The following ERCC6 variants were observed in gnomAD, a reference collection of about 807,000 sequenced individuals.
ERCC6 encodes the protein DNA excision repair protein ERCC-6.
A neutral mutation model predicts 158.7 loss-of-function variants in ERCC6; 116 were observed. The ratio of observed to expected loss-of-function variants is 0.73; its 90% CI spans 0.63 to 0.85. The LOEUF is 0.85. ERCC6 is among the 40% of genes least tolerant of loss of function. The pLI is 0.00. For missense variants in ERCC6, 1,698 were observed against 1,799.4 expected, an observed-to-expected ratio of 0.94 and a Z score of 1.02; for synonymous variants, 678 against 659.3, an observed-to-expected ratio of 1.03 and a Z score of -0.43.
At chr10:49,472,653 T>C in intron 15 of ERCC6, 183 bp from the exon 16 acceptor site, 1 of 743,768 alleles carries the variant, frequency 1.3e-6, no homozygotes, top group Non-Finnish European at 2.2e-6. Flanking sequence ...ACATCTCTAC[T>C]TGAAAAAATG....
rs535929212 is a variant in ERCC6 at position 49,482,837 on chromosome 10, C to T, written c.2019G>A (p.Leu673=). 1.2e-6 allele frequency: 2 copies of T among 1,614,008 alleles called. No homozygotes were observed. Among genetic ancestry groups the T allele is most frequent in the African/African-American group, 1.3e-5 (1 of 74,992 alleles). The change falls in exon 10 of 21, where the codon CTG becomes CTA. Residue 673 remains leucine (L), a synonymous_variant. Coordinates refer to ENST00000355832, the MANE Select transcript of ERCC6 (RefSeq NM_000124.4). ...GGTTATTTTGCATCGGTGAGCCAGA[C>T]AGAATGATCCGATGAGGGGTGCGAA... ...KQFRTPHRII[L]SGSPMQNNLR... is the part of the protein sequence containing the mutation.
At chr10:49,512,612 C>T (rs1196833463) in intron 5 of ERCC6, among the ~76,000 whole-genome samples, 1 of 152,174 alleles carries the variant, frequency 6.6e-6, no homozygotes, top group African/African-American at 2.4e-5. Flanking sequence ...GCCTATGATA[C>T]GTTGAACAGC....
chr10:49,492,869 T>A (rs1851199430), intron 8 of ERCC6, among the ~76,000 whole-genome samples: 1 of 152,180 alleles, frequency 6.6e-6, no homozygotes, highest in Non-Finnish European at 1.5e-5. Context: ...CTGAGATGAT[T>A]CGTATTTTAC....
chr10:49,505,953 G>T lies in ERCC6; in HGVS notation c.1457C>A (p.Ser486Tyr). 2 of 1,613,506 alleles carry T rather than the reference G, an allele frequency of 1.2e-6. No individual in the cohort carries two copies. The highest frequency in any genetic ancestry group is 1.7e-6 in the Non-Finnish European group (2 of 1,179,620). ...KEKRLKLEDD[S>Y]EESDAEFDEG... is the part of the protein sequence containing the mutation. ...GTCAAATTCAGCATCACTTTCCTCA[G>T]AATCGTCCTCCAGCTTCAGACGTTT... Residue 486 changes from serine to tyrosine, a missense_variant, in exon 6 of 21, where the codon TCT becomes TAT. Physicochemically the swap from Ser to Tyr is moderately radical, Grantham distance 144. Transcript: ENST00000355832.
intron 7 of ERCC6, among the ~76,000 whole-genome samples, chr10:49,496,624 A>G (rs1189926086): frequency 1.3e-5 from 2 of 152,156 alleles, no homozygotes; most frequent in African/African-American, 2.4e-5. Context: ...CCTGGCCAAC[A>G]TGGTGAAACC....
rs1400717525 is a variant in ERCC6, at chr10:49,456,456, A to C, written c.*2359T>G. On this transcript the variant is annotated 3_prime_UTR_variant, in exon 21 of 21. Transcript: ENST00000355832. ...GCCAGACGTCCAGGTAAAACTCAAAAATTTTATTAGTAAAGGAAGAATGGG... is the reference window on the plus strand; with the variant it reads ...GCCAGACGTCCAGGTAAAACTCAAACATTTTATTAGTAAAGGAAGAATGGG... 6.6e-6 allele frequency: 1 copy of C among 152,218 alleles called. No individual in the cohort carries two copies. The highest frequency in any genetic ancestry group is 2.4e-5 in the African/African-American group (1 of 41,440). 9.4% of individuals were successfully genotyped at this position (152,218 alleles called of 1,614,324 possible). A position where few individuals can be genotyped will look rare whatever the true frequency, so the allele number is the denominator to read the frequency against.
chr10:49,462,123 T>C lies in ERCC6; in HGVS notation c.3779-567A>G, dbSNP rs144019422. Among the ~76,000 whole-genome samples, 261 of 152,262 alleles carry C rather than the reference T, an allele frequency of 1.7e-3. 6 individuals are homozygous for C. The highest frequency in any genetic ancestry group is 0.013 in the Admixed American group (196 of 15,276). ...ACTGAAAAGGCAAAGTAACACCCTA[T>C]TGGACAATAAAACACGCTCCAATTA... On this transcript the variant is annotated intron_variant, in intron 18 of 20. Transcript: ENST00000355832.
At chr10:49,468,542 G>A (rs1005616510) in intron 18 of ERCC6, among the ~76,000 whole-genome samples, 3 of 152,174 alleles carry the variant, frequency 2.0e-5, no homozygotes, top group African/African-American at 7.2e-5. Context: ...ATCTGCCTTT[G>A]CTGGAAGCCA....
chr10:49,530,945 T>C, intron 2 of ERCC6, 105 bp from the exon 3 acceptor site: 1 of 1,477,398 alleles, frequency 6.8e-7, no homozygotes, highest in Non-Finnish European at 9.1e-7. Context: ...TCTTATTAAC[T>C]AAAAGATAAA....
At chr10:49,518,404 T>C (rs961118225) in intron 5 of ERCC6, among the ~76,000 whole-genome samples, 3 of 152,252 alleles carry the variant, frequency 2.0e-5, no homozygotes, top group African/African-American at 7.2e-5. Flanking sequence ...ACTGCTGCCT[T>C]GAGCAAATGA....
downstream of ERCC6, among the ~76,000 whole-genome samples, chr10:49,449,974 G>A (rs1433861776): frequency 6.6e-6 from 1 of 152,118 alleles, no homozygotes; most frequent in Non-Finnish European, 1.5e-5. Context: ...CTGGGCTCAA[G>A]TGATCCTCTC....
chr10:49,496,632 A>C (rs1032958279), intron 7 of ERCC6, among the ~76,000 whole-genome samples: 1 of 152,084 alleles, frequency 6.6e-6, no homozygotes, highest in African/African-American at 2.4e-5. Context: ...ACATGGTGAA[A>C]CCCCGTCTCT....
chr10:49,487,053 A>T (rs1170522937), intron 8 of ERCC6, among the ~76,000 whole-genome samples: 1 of 152,236 alleles, frequency 6.6e-6, no homozygotes, highest in Non-Finnish European at 1.5e-5. Flanking sequence ...ATCATCTAAT[A>T]CAAATTTTAT....
Position 49,482,711 on chromosome 10 carries a change from T to A in ERCC6, c.2145A>T (p.Gly715=). Residue 715 remains glycine (G), a synonymous_variant, in exon 10 of 21, where the codon GGA becomes GGT. Transcript: ENST00000355832. ...CCTGTACTGGGGAAGCATTTGAATA[T>A]CCCCCCATGGTGATGGGGACGGAGA... ...EQFSVPITMG[G]YSNASPVQVK... The A allele has an allele frequency of 6.2e-7, 1 of 1,613,644 alleles. No homozygotes were observed. Among genetic ancestry groups the A allele is most frequent in the South Asian group, 1.1e-5 (1 of 91,062 alleles).
rs1851382662 is a variant in ERCC6 at position 49,503,143 on chromosome 10, T to C, written c.1527-2447A>G. Reference sequence around the variant, plus strand: ...CATGGGTCCAACAACTCTTTTTGCTTGGGGCTCATCAACTTAACTAAAGTA... The same window carrying C: ...CATGGGTCCAACAACTCTTTTTGCTCGGGGCTCATCAACTTAACTAAAGTA... On this transcript the variant is annotated intron_variant, in intron 6 of 20. Transcript: ENST00000355832. The C allele has an allele frequency of 4.6e-5, 7 of 152,236 alleles. No homozygotes were observed. The South Asian group carries it at 1.2e-3, about 27-fold the overall frequency. The allele number at this position is 152,236 out of a possible 1,614,324, so 9.4% of individuals were successfully genotyped here. A position where few individuals can be genotyped will look rare whatever the true frequency, so the allele number is the denominator to read the frequency against.
At chr10:49,522,765 C>G (rs1430578822) in intron 5 of ERCC6, among the ~76,000 whole-genome samples, 1 of 152,200 alleles carries the variant, frequency 6.6e-6, no homozygotes, top group Non-Finnish European at 1.5e-5. Flanking sequence ...ACACCGCTCA[C>G]TGTTCAAGAG....
At chr10:49,490,941 C>T (rs562264382) in intron 8 of ERCC6, among the ~76,000 whole-genome samples, 1 of 152,246 alleles carries the variant, frequency 6.6e-6, no homozygotes, top group South Asian at 2.1e-4. Flanking sequence ...AGTTAGAGGA[C>T]GAATCACCAC....
At position 49,515,587 on chromosome 10, in the gene ERCC6, C is replaced by G; in HGVS notation, c.1397+8446G>C. ...CGTCGACGAAACTCCAGAAAATCCA[C>G]TGGTTTCTCATCATATGTTTTATGC... On this transcript the variant is annotated intron_variant, in intron 5 of 20. Coordinates refer to ENST00000355832, the MANE Select transcript of ERCC6 (RefSeq NM_000124.4). 3 of 1,614,160 alleles carry G rather than the reference C, an allele frequency of 1.9e-6. No individual in the cohort carries two copies. In the South Asian group the frequency reaches 3.3e-5, roughly 18 times the overall value.
the ERCC6 span, among the ~76,000 whole-genome samples, chr10:49,440,786 C>A: frequency 6.6e-6 from 1 of 152,068 alleles, no homozygotes; most frequent in Non-Finnish European, 1.5e-5. Flanking sequence ...TGGTGAGCAG[C>A]CAGGCGGGGG....
Sources: gnomAD v4.1 joint callset for allele counts (sites outside exome capture counted in the v4.1 genomes callset) on GRCh38, gnomAD v4.1.1 for gene constraint, MANE v1.5 for transcripts, NCBI Gene and HGNC (gene_info 2026-07-23, HGNC 2026-07-21) for gene names.